Variants in XKR4 observed in about 807,000 individuals in gnomAD.
The protein encoded by XKR4 is XK related 4.
In XKR4, 12 loss-of-function variants were observed where a neutral mutation model predicts 53.9. The observed-to-expected ratio is 0.22, with a 90% CI of 0.14 to 0.36. The LOEUF (loss-of-function observed/expected upper bound fraction) is 0.36, where lower values mean the gene tolerates loss of function less well. XKR4 is among the 10% of genes least tolerant of loss of function. XKR4 has a pLI of 1.00. For synonymous variants in XKR4, 354 were observed against 362.4 expected (o/e 0.98, Z 0.26); for missense variants, 799 against 859.5 (o/e 0.93, Z 0.88).
intron 1 of XKR4, among the ~76,000 whole-genome samples, chr8:55,281,438 A>G (rs1818843369): frequency 6.6e-6 from 1 of 152,156 alleles, no homozygotes; most frequent in East Asian, 1.9e-4. Context: ...GCATAGGGAG[A>G]GGGAAGAGGA....
chr8:55,502,782 A>G (rs1806464195), intron 2 of XKR4, among the ~76,000 whole-genome samples: 1 of 152,148 alleles, frequency 6.6e-6, no homozygotes, highest in Admixed American at 6.5e-5. Context: ...TACCCAAGAA[A>G]TCACTGCCAA....
At chr8:55,494,032 C>T (rs1174705770) in intron 2 of XKR4, among the ~76,000 whole-genome samples, 1 of 152,262 alleles carries the variant, frequency 6.6e-6, no homozygotes, top group African/African-American at 2.4e-5. Flanking sequence ...CCCATTTGGC[C>T]TGTCAGGCTG....
intron 1 of XKR4, among the ~76,000 whole-genome samples, chr8:55,333,449 G>A (rs772748370): frequency 1.3e-4 from 20 of 152,074 alleles, no homozygotes; most frequent in Non-Finnish European, 2.9e-5. Context: ...CCTCTACCTT[G>A]GGCCTATGAG....
At chr8:55,181,832 A>G (rs1009702962) in intron 1 of XKR4, among the ~76,000 whole-genome samples, 5 of 152,124 alleles carry the variant, frequency 3.3e-5, no homozygotes, top group Non-Finnish European at 5.9e-5. Flanking sequence ...TTTAAGACCA[A>G]TCAGCTTAAA....
intron 2 of XKR4, among the ~76,000 whole-genome samples, chr8:55,407,308 G>C (rs1468657376): frequency 6.6e-6 from 1 of 152,150 alleles, no homozygotes; most frequent in Admixed American, 6.5e-5. Context: ...CGGGGCTTTC[G>C]CACTGCTTCC....
chr8:55,256,332 A>T (rs574509374), intron 1 of XKR4, among the ~76,000 whole-genome samples: 5 of 152,346 alleles, frequency 3.3e-5, no homozygotes, highest in Non-Finnish European at 7.4e-5. Context: ...GCATGGCCAG[A>T]TTGCATTTTG....
intron 1 of XKR4, among the ~76,000 whole-genome samples, chr8:55,151,944 T>A (rs1585906946): frequency 6.6e-6 from 1 of 152,358 alleles, no homozygotes; most frequent in East Asian, 1.9e-4. Context: ...TGCAAGTATT[T>A]CTTTCTTGGT....
chr8:55,522,307 A>C (rs1806809046), intron 2 of XKR4, among the ~76,000 whole-genome samples: 1 of 152,250 alleles, frequency 6.6e-6, no homozygotes, highest in Admixed American at 6.5e-5. Context: ...TAATTTCAGC[A>C]CAATCTTTAA....
At chr8:55,387,699 T>A (rs557679372) in intron 2 of XKR4, among the ~76,000 whole-genome samples, 1 of 152,286 alleles carries the variant, frequency 6.6e-6, no homozygotes, top group South Asian at 2.1e-4. Flanking sequence ...GCCTTGCTAC[T>A]ACAAGTGGGA....
Position 55,102,468 on chromosome 8 carries a change from C to T in XKR4, c.-21C>T, listed in dbSNP as rs778021859. On this transcript the variant is annotated 5_prime_UTR_variant, in exon 1 of 3. Transcript: ENST00000327381. This position sits in a 1 kb window ranked among gnomAD's most constrained non-coding sequence, Gnocchi z 5.1. ...GAAAGGTGTCAGATAAAGGAGGGCTCTCCTCCGGTGTGGAGGCATCATGGC... is the reference window on the plus strand; with the variant it reads ...GAAAGGTGTCAGATAAAGGAGGGCTTTCCTCCGGTGTGGAGGCATCATGGC... 1 of 1,536,022 alleles carries T rather than the reference C, an allele frequency of 6.5e-7. No homozygotes were observed. The highest frequency in any genetic ancestry group is 8.8e-7 in the Non-Finnish European group (1 of 1,136,020).
chr8:55,469,231 G>A (rs2939655), intron 2 of XKR4, among the ~76,000 whole-genome samples: 62,314 of 151,784 alleles, frequency 0.41, 13,451 homozygotes, highest in East Asian at 0.53. Flanking sequence ...TCCTGATACG[G>A]TAACTCCACA....
Position 55,462,786 on chromosome 8 carries a change from C to A in XKR4, c.1007-60495C>A, listed in dbSNP as rs1216345754. The stretch of plus-strand genomic sequence containing the variant: ...AATAAAGGCATGGAGGAAGATCTAC[C>A]AAGTAAATGGAAAACAAAAAAAGGC... On this transcript the variant is annotated intron_variant, in intron 2 of 2. Transcript: ENST00000327381. Among the ~76,000 whole-genome samples, 4 of 152,040 alleles carry A rather than the reference C, an allele frequency of 2.6e-5. No individual in the cohort carries two copies. The East Asian group carries it at 7.7e-4, about 29-fold the overall frequency.
chr8:55,463,587 C>A (rs1027918744), intron 2 of XKR4, among the ~76,000 whole-genome samples: 5 of 151,838 alleles, frequency 3.3e-5, no homozygotes, highest in Non-Finnish European at 5.9e-5. Flanking sequence ...AGAGCAAACA[C>A]GTTCAAAAGC....
rs60590619 is a variant in XKR4, at chr8:55,299,269, T to C, written c.807-58409T>C. Among the ~76,000 whole-genome samples, 362 of 152,274 alleles carry C rather than the reference T, an allele frequency of 2.4e-3. 2 individuals carry two copies. The highest frequency in any genetic ancestry group is 8.1e-3 in the African/African-American group (336 of 41,552). ...CACCCTCCAGGACAAAGTGGAGATA[T>C]TTCTGGCAGCCTGAGGAGCACAAGG... On this transcript the variant is annotated intron_variant, in intron 1 of 2. Transcript: ENST00000327381.
At chr8:55,514,649 C>T (rs1047735445) in intron 2 of XKR4, among the ~76,000 whole-genome samples, 13 of 151,946 alleles carry the variant, frequency 8.6e-5, no homozygotes, top group African/African-American at 3.1e-4. Flanking sequence ...TCTCGCCTGC[C>T]CCTGAAAGTA....
chr8:55,484,226 G>A lies in XKR4; in HGVS notation c.1007-39055G>A, dbSNP rs530276630. 3.9e-4 allele frequency among the ~76,000 whole-genome samples: 59 copies of A among 152,172 alleles called. 1 individual carries two copies. In the South Asian group the frequency reaches 9.5e-3, roughly 25 times the overall value. On this transcript the variant is annotated intron_variant, in intron 2 of 2. Coordinates refer to ENST00000327381, the MANE Select transcript of XKR4 (RefSeq NM_052898.2). ...TAAAAGAACTCTCCAGGCCAAGAAA[G>A]CTTTACTGGAAAATTCTACCAAATG...
intron 2 of XKR4, among the ~76,000 whole-genome samples, chr8:55,497,645 T>A (rs914579520): frequency 1.3e-5 from 2 of 152,176 alleles, no homozygotes; most frequent in Non-Finnish European, 2.9e-5. Flanking sequence ...CCACATTCAA[T>A]CCAAATTCAA....
intron 1 of XKR4, among the ~76,000 whole-genome samples, chr8:55,112,449 A>G (rs911544650): frequency 1.3e-4 from 20 of 151,760 alleles, no homozygotes; most frequent in African/African-American, 4.6e-4. Flanking sequence ...TTTCTGAATC[A>G]CCAATCTGAC....
chr8:55,231,327 G>C (rs1818036200), intron 1 of XKR4, among the ~76,000 whole-genome samples: 1 of 152,180 alleles, frequency 6.6e-6, no homozygotes, highest in African/African-American at 2.4e-5. Context: ...AGTAAAGTAG[G>C]AAAATACTCA....
Sources: allele counts gnomAD v4.1 joint callset (sites outside exome capture counted in the v4.1 genomes callset), GRCh38; gene constraint gnomAD v4.1.1; non-coding constraint Gnocchi (gnomAD v3.1); transcripts MANE v1.5; gene names NCBI Gene and HGNC (gene_info 2026-07-23, HGNC 2026-07-21).